Variants in SLC35F4 observed in about 807,000 individuals in gnomAD.
SLC35F4 encodes the protein solute carrier family 35 member F4.
In SLC35F4, 24 loss-of-function variants were observed where a neutral mutation model predicts 44.2. That is an observed-to-expected ratio of 0.54 (90% CI 0.39 to 0.76). The LOEUF is 0.76. Ranked by LOEUF, SLC35F4 falls within the 30% of genes least tolerant of loss-of-function variation. The pLI, the probability that SLC35F4 is intolerant of heterozygous loss-of-function variation, is 0.00. For synonymous variants in SLC35F4, 238 were observed against 223.6 expected, an observed-to-expected ratio of 1.06 and a Z score of -0.57; for missense variants, 562 against 586.1, an observed-to-expected ratio of 0.96 and a Z score of 0.42.
At chr14:57,792,018 C>T (rs560026427) in intron 1 of SLC35F4, among the ~76,000 whole-genome samples, 14 of 151,934 alleles carry the variant, frequency 9.2e-5, no homozygotes, top group African/African-American at 2.9e-4. Flanking sequence ...ATGTAAATGA[C>T]GGGTTGATGG....
Position 57,817,694 on chromosome 14 carries a change from T to C in SLC35F4, c.103+48029A>G, listed in dbSNP as rs1244983379. Among the ~76,000 whole-genome samples, 5 of 151,938 alleles carry C rather than the reference T, an allele frequency of 3.3e-5. No individual in the cohort carries two copies. The South Asian group carries it at 8.3e-4, about 25-fold the overall frequency. The stretch of plus-strand genomic sequence containing the variant: ...GGGAGGATTTATTGATGTGCTATGA[T>C]TTGAGAGCTTAATGTTCTGGCAAAG... On this transcript the variant is annotated intron_variant, in intron 1 of 7. Transcript: ENST00000556826.
At chr14:57,872,394 T>C (rs1888311964) in intron 1 of SLC35F4, among the ~76,000 whole-genome samples, 3 of 151,988 alleles carry the variant, frequency 2.0e-5, no homozygotes, top group East Asian at 1.9e-4. Flanking sequence ...AGAAAGAGCA[T>C]ACATTTCAAG....
At chr14:57,766,884 AT>A (rs574624586) in intron 1 of SLC35F4, among the ~76,000 whole-genome samples, 272 of 152,354 alleles carry the variant, frequency 1.8e-3, no homozygotes, top group African/African-American at 6.3e-3. Flanking sequence ...AGAGTGATAG[AT>A]TATATAATAA....
chr14:57,915,192 C>T (rs1277549729), intron 1 of SLC35F4, among the ~76,000 whole-genome samples: 1 of 152,158 alleles, frequency 6.6e-6, no homozygotes, highest in African/African-American at 2.4e-5. Context: ...AGTTCTGAAG[C>T]AGCCCTGAGC....
chr14:57,720,471 T>C (rs1202085473), intron 1 of SLC35F4, among the ~76,000 whole-genome samples: 1 of 152,216 alleles, frequency 6.6e-6, no homozygotes, highest in Non-Finnish European at 1.5e-5. Context: ...CAGGCTTTTC[T>C]TTACTGGGAG....
intron 2 of SLC35F4, 74 bp downstream of exon 2, chr14:57,593,865 T>C (rs758346416): frequency 1.3e-4 from 198 of 1,504,900 alleles, no homozygotes; most frequent in Non-Finnish European, 1.7e-4. Context: ...CTGCATTCTG[T>C]GACAATGGCG....
intron 1 of SLC35F4, among the ~76,000 whole-genome samples, chr14:57,642,988 T>C (rs1219086435): frequency 6.6e-6 from 1 of 152,032 alleles, no homozygotes; most frequent in Non-Finnish European, 1.5e-5. Flanking sequence ...ATATACATTC[T>C]TTAGCACATT....
In SLC35F4 at chr14:57,942,724, T is replaced by C. The variant is rs143850727; in HGVS notation, n.282+39189A>G. Among the ~76,000 whole-genome samples the C allele has an allele frequency of 8.8e-3, 1,342 of 152,322 alleles. 27 individuals are homozygous for C. Among genetic ancestry groups the C allele is most frequent in the Non-Finnish European group, 8.2e-3 (558 of 68,028 alleles). ...CAGTATTCTTGGAAGCCACGACTTA[T>C]ACTGCCTAAAAGATCTTTGTCTTTC... On this transcript the variant is annotated intron_variant and non_coding_transcript_variant, in intron 1 of 1. Transcript: ENST00000556568.
At chr14:57,749,380 C>T (rs1268674749) in intron 1 of SLC35F4, among the ~76,000 whole-genome samples, 1 of 152,072 alleles carries the variant, frequency 6.6e-6, no homozygotes, top group African/African-American at 2.4e-5. Flanking sequence ...ATGTGACATC[C>T]AAGTGAATGA....
chr14:57,674,469 G>T (rs1228412587), intron 1 of SLC35F4, among the ~76,000 whole-genome samples: 1 of 152,136 alleles, frequency 6.6e-6, no homozygotes, highest in Non-Finnish European at 1.5e-5. Context: ...CATTGCCCAG[G>T]CATCCATCAC....
chr14:57,573,858 T>A (rs993695832), intron 4 of SLC35F4, among the ~76,000 whole-genome samples: 5 of 152,356 alleles, frequency 3.3e-5, no homozygotes, highest in Admixed American at 6.5e-5. Context: ...TTGTTTTCTT[T>A]TAGCTAAGCA....
At chr14:57,897,738 T>C (rs1888910536) in intron 1 of SLC35F4, among the ~76,000 whole-genome samples, 1 of 152,210 alleles carries the variant, frequency 6.6e-6, no homozygotes, top group African/African-American at 2.4e-5. Flanking sequence ...TGGTTACTGC[T>C]TTTGAACCAC....
At chr14:57,714,476 A>G (rs2075889564) in intron 1 of SLC35F4, among the ~76,000 whole-genome samples, 1 of 152,158 alleles carries the variant, frequency 6.6e-6, no homozygotes, top group African/African-American at 2.4e-5. Context: ...TTATTTGTTG[A>G]CTTTTCCTAC....
intron 1 of SLC35F4, among the ~76,000 whole-genome samples, chr14:57,846,852 A>T (rs944830290): frequency 6.6e-6 from 1 of 152,198 alleles, no homozygotes. Flanking sequence ...CCCCAGCCTA[A>T]ACCCTCCTCA....
intron 1 of SLC35F4, among the ~76,000 whole-genome samples, chr14:57,653,339 G>A (rs1258478361): frequency 6.6e-6 from 1 of 152,152 alleles, no homozygotes; most frequent in Non-Finnish European, 1.5e-5. Context: ...CAACTGACAA[G>A]GGAGACTATT....
intron 1 of SLC35F4, among the ~76,000 whole-genome samples, chr14:57,747,504 T>C (rs1377221280): frequency 1.3e-5 from 2 of 152,168 alleles, no homozygotes; most frequent in Non-Finnish European, 2.9e-5. Flanking sequence ...ACCCCCAGTA[T>C]GGTATTGTGA....
intron 1 of SLC35F4, among the ~76,000 whole-genome samples, chr14:57,739,225 C>T (rs563687200): frequency 1.2e-4 from 18 of 152,282 alleles, no homozygotes; most frequent in Admixed American, 1.1e-3. Context: ...CTCTTGGTGT[C>T]ATAAAATCTC....
chr14:57,651,386 G>A (rs180751556), intron 1 of SLC35F4, among the ~76,000 whole-genome samples: 1 of 152,212 alleles, frequency 6.6e-6, no homozygotes, highest in Non-Finnish European at 1.5e-5. Context: ...GAAGTGGGTC[G>A]GTGGTGGGGG....
chr14:57,834,122 G>T (rs1884666029), intron 1 of SLC35F4, among the ~76,000 whole-genome samples: 1 of 152,162 alleles, frequency 6.6e-6, no homozygotes, highest in African/African-American at 2.4e-5. Flanking sequence ...GACATTTCAA[G>T]AAGAAACACT....
Sources: gnomAD v4.1 joint callset for allele counts (sites outside exome capture counted in the v4.1 genomes callset) on GRCh38, gnomAD v4.1.1 for gene constraint, MANE v1.5 for transcripts, NCBI Gene and HGNC (gene_info 2026-07-23, HGNC 2026-07-21) for gene names.